Variants in SREK1 observed in about 807,000 individuals in gnomAD.
SREK1 encodes splicing regulatory glutamine/lysine-rich protein 1.
A neutral mutation model predicts 66.5 loss-of-function variants in SREK1; 13 were observed. That is an observed-to-expected ratio of 0.20 (90% CI 0.13 to 0.31). SREK1 has a LOEUF of 0.31. Ranked by LOEUF, SREK1 falls within the 10% of genes least tolerant of loss-of-function variation. SREK1 has a pLI of 1.00. For missense variants in SREK1, 607 were observed against 769.6 expected (o/e 0.79, Z 2.50); for synonymous variants, 265 against 263.5 (o/e 1.01, Z -0.05).
chr5:66,178,197 A>G (rs1746221748), intron 11 of SREK1, among the ~76,000 whole-genome samples: 2 of 150,616 alleles, frequency 1.3e-5, no homozygotes, highest in African/African-American at 4.8e-5. Flanking sequence ...TAATACTGAT[A>G]GACGATTATC....
At chr5:66,156,314 T>G (rs1001862285) in intron 2 of SREK1, 11 of 1,306,666 alleles carry the variant, frequency 8.4e-6, no homozygotes, top group African/African-American at 1.5e-5. Context: ...CTTTAACTTG[T>G]GAGCTGGTTT....
At chr5:66,177,711 C>G (rs1746174940) in intron 11 of SREK1, 53 bp downstream of exon 11, 1 of 1,505,392 alleles carries the variant, frequency 6.6e-7, no homozygotes, top group South Asian at 1.4e-5. Context: ...TTATTGCATA[C>G]AAATGGTTTT....
intron 2 of SREK1, 146 bp downstream of exon 2, chr5:66,153,742 C>T: frequency 1.1e-6 from 1 of 920,408 alleles, no homozygotes; most frequent in Non-Finnish European, 1.6e-6. Context: ...AACCTTTTTA[C>T]CTAATAGTAA....
chr5:66,171,477 G>A (rs1420507822), intron 9 of SREK1, among the ~76,000 whole-genome samples: 1 of 152,052 alleles, frequency 6.6e-6, no homozygotes, highest in African/African-American at 2.4e-5. Flanking sequence ...TTTATTAATA[G>A]CTTTACTACC....
At chr5:66,178,308 G>A (rs1746235209) in intron 11 of SREK1, among the ~76,000 whole-genome samples, 1 of 151,978 alleles carries the variant, frequency 6.6e-6, no homozygotes, top group Admixed American at 6.6e-5. Flanking sequence ...AGAAATTGGA[G>A]TGCTCTTGAA....
At position 66,146,207 on chromosome 5, in the gene SREK1, C is replaced by T. The variant is rs553596515; in HGVS notation, c.161+1670C>T. ...TAATTGAGAATTGTTTGGGGGAGTG[C>T]CGTATCCTGCAGGCATTGGAATCAA... is the stretch of plus-strand genomic sequence containing the variant. On this transcript the variant is annotated intron_variant, in intron 1 of 11. Transcript: ENST00000334121. Among the ~76,000 whole-genome samples the T allele has an allele frequency of 1.4e-3, 215 of 152,172 alleles. 2 individuals are homozygous for T. Among genetic ancestry groups the T allele is most frequent in the Non-Finnish European group, 2.3e-3 (159 of 67,994 alleles).
intron 2 of SREK1, among the ~76,000 whole-genome samples, chr5:66,154,581 T>C (rs1047524669): frequency 1.3e-5 from 2 of 152,178 alleles, no homozygotes; most frequent in Non-Finnish European, 2.9e-5. Flanking sequence ...TAATATATAA[T>C]AAGCAGTTTG....
intron 7 of SREK1, chr5:66,165,109 A>G (rs1334939646): frequency 9.4e-6 from 4 of 427,066 alleles, no homozygotes; most frequent in Non-Finnish European, 1.6e-5. Flanking sequence ...ATTTGAACTT[A>G]TCTTTATTTT....
At chr5:66,149,082 A>G (rs1297949825) in intron 1 of SREK1, among the ~76,000 whole-genome samples, 1 of 152,222 alleles carries the variant, frequency 6.6e-6, no homozygotes, top group Non-Finnish European at 1.5e-5. Context: ...GGCCGGGTGC[A>G]GTGGCCCACG....
chr5:66,167,612 G>T (rs944262654), intron 7 of SREK1: 1 of 152,156 alleles, frequency 6.6e-6, no homozygotes, highest in Non-Finnish European at 1.5e-5. Context: ...AGATTGACGT[G>T]AAAATATTTA....
chr5:66,171,401 AT>A (rs1007834659), intron 9 of SREK1, among the ~76,000 whole-genome samples: 4 of 152,084 alleles, frequency 2.6e-5, no homozygotes, highest in Non-Finnish European at 4.4e-5. Flanking sequence ...TAACATTTAA[AT>A]TTTGGTCGTG....
chr5:66,162,086 T>G, intron 3 of SREK1, 23 bp from the exon 4 acceptor site: 2 of 1,604,766 alleles, frequency 1.2e-6, no homozygotes, highest in Admixed American at 3.5e-5. Flanking sequence ...GTGTTCTGTG[T>G]GTTTTTTTTC....
chr5:66,172,824 ATTTTTTTTTT>A (rs762670649), intron 9 of SREK1, among the ~76,000 whole-genome samples: 3 of 118,234 alleles, frequency 2.5e-5, no homozygotes, highest in African/African-American at 3.6e-5. Flanking sequence ...ATTTCTTTGA[ATTTTTTTTTT>A]TTTTTTTTTT....
In SREK1 at chr5:66,170,142, C is replaced by T. The variant is rs767997239; in HGVS notation, c.1093C>T (p.Arg365Trp). 2.7e-5 allele frequency: 44 copies of T among 1,612,050 alleles called. No homozygotes were observed. Among genetic ancestry groups the T allele is most frequent in the South Asian group, 1.7e-4 (15 of 90,638 alleles). Reference protein sequence around the residue: ...HKKRSKSRERRKSRSRSHSRD... With the variant: ...HKKRSKSRERWKSRSRSHSRD... ...AAAACGCTCTAAATCAAGGGAGAGA[C>T]GGAAGTCAAGGAGTCGTTCGCATTC... The change falls in exon 8 of 12, where the codon CGG becomes TGG. Residue 365 changes from arginine (R) to tryptophan (W), a missense_variant. Arg to Trp is a moderately radical substitution (Grantham distance 101). Around this residue, in one of 5 missense-constraint regions of SREK1, gnomAD observed 112 missense variants for 168.6 expected, o/e 0.66. Coordinates refer to ENST00000334121, the MANE Select transcript of SREK1 (RefSeq NM_001077199.3).
chr5:66,175,530 TATGTA>T (rs1745990772), intron 10 of SREK1, among the ~76,000 whole-genome samples: 1 of 152,178 alleles, frequency 6.6e-6, no homozygotes, highest in Non-Finnish European at 1.5e-5. Flanking sequence ...TACCATAAAT[TATGTA>T]ATGCTGTAAT....
At chr5:66,149,281 C>CGG (rs1554074927) in intron 1 of SREK1, among the ~76,000 whole-genome samples, 38 of 151,604 alleles carry the variant, frequency 2.5e-4, no homozygotes, top group Non-Finnish European at 2.9e-5. Context: ...ACCCGGGAGG[C>CGG]GGAGGTTGCA....
rs1746492726 is a variant in SREK1, at chr5:66,181,608, A to G, written c.*2740A>G. The G allele has an allele frequency of 6.6e-6, 1 of 152,172 alleles. No homozygotes were observed. The highest frequency in any genetic ancestry group is 2.1e-4 in the South Asian group (1 of 4,828). 9.4% of individuals were successfully genotyped at this position (152,172 alleles called of 1,614,324 possible). A position where few individuals can be genotyped will look rare whatever the true frequency, so the allele number is the denominator to read the frequency against. On this transcript the variant is annotated 3_prime_UTR_variant, in exon 12 of 12. Transcript: ENST00000334121. ...TAGACAAATTCTGTTGCCTTTCAGC[A>G]ACGTATGCTGAACTAGTATCATAAG...
rs564960278 is a variant in SREK1 at position 66,162,237 on chromosome 5, T to C, written c.540T>C (p.Ile180=). The C allele has an allele frequency of 6.2e-7, 1 of 1,613,968 alleles. No homozygotes were observed. The highest frequency in any genetic ancestry group is 8.5e-7 in the Non-Finnish European group (1 of 1,179,982). ...TGGATCCTTCCAAAATAGATGAAAT[T>C]AGGAGAACGGTTTATGTTGGAAATC... The part of the protein sequence containing the change: ...GNVDPSKIDE[I]RRTVYVGNLN... Residue 180 remains isoleucine, a synonymous_variant, in exon 4 of 12, where the codon ATT becomes ATC. Transcript: ENST00000334121.
Position 66,163,613 on chromosome 5 carries a change from A to G in SREK1, c.756-179A>G, listed in dbSNP as rs1744939274. 5.9e-6 allele frequency: 3 copies of G among 506,012 alleles called. No individual in the cohort carries two copies. In the East Asian group the frequency reaches 1.1e-4, roughly 18 times the overall value. The allele number at this position is 506,012 out of a possible 1,614,324, so 31.3% of individuals were successfully genotyped here. A position where few individuals can be genotyped will look rare whatever the true frequency, so the allele number is the denominator to read the frequency against. ...TTTGGTTGTATTCGCAAGGAATGAT[A>G]GGAAGTGGGGATGAGAGATTAATCA... On this transcript the variant is annotated intron_variant, in intron 5 of 11. Coordinates refer to ENST00000334121, the MANE Select transcript of SREK1 (RefSeq NM_001077199.3).
Sources: allele counts gnomAD v4.1 joint callset (sites outside exome capture counted in the v4.1 genomes callset), GRCh38; gene constraint gnomAD v4.1.1; regional missense constraint gnomAD v4.1.1; transcripts MANE v1.5; gene names NCBI Gene and HGNC (gene_info 2026-07-23, HGNC 2026-07-21).